CTNNA3: variants seen among roughly 807,000 people sequenced by gnomAD.
The protein encoded by CTNNA3 is catenin alpha 3, also known as catenin alpha-3.
In CTNNA3, 76 loss-of-function variants were observed where a neutral mutation model predicts 95.7. That is an observed-to-expected ratio of 0.79 (90% CI 0.66 to 0.96). CTNNA3 has a LOEUF of 0.96. CTNNA3 is among the 40% of genes least tolerant of loss of function. The probability of loss-of-function intolerance (pLI) is 0.00; values close to 1 mark genes in which losing one functional copy is unlikely to be tolerated. For missense variants in CTNNA3, 1,191 were observed against 1,089.8 expected (o/e 1.09, Z -1.31); for synonymous variants, 431 against 374.4 (o/e 1.15, Z -1.74).
At chr10:66,086,143 A>G (rs2080974960) in intron 14 of CTNNA3, among the ~76,000 whole-genome samples, 1 of 152,174 alleles carries the variant, frequency 6.6e-6, no homozygotes, top group Non-Finnish European at 1.5e-5. Context: ...TTTTCCAAGT[A>G]AAATTCCATT....
intron 13 of CTNNA3, among the ~76,000 whole-genome samples, chr10:66,119,103 G>T (rs1474882873): frequency 7.2e-5 from 11 of 151,978 alleles, no homozygotes; most frequent in Non-Finnish European, 1.5e-4. Flanking sequence ...TTAAAACAGA[G>T]AACTTTTAAA....
Position 67,199,887 on chromosome 10 carries a change from T to TCAAGAAAAATG in CTNNA3, c.844-19368_844-19367insCATTTTTCTTG, listed in dbSNP as rs1329720064. On this transcript the variant is annotated intron_variant, in intron 6 of 17. Coordinates refer to ENST00000433211, the MANE Select transcript of CTNNA3 (RefSeq NM_013266.4). ...TCCTTTAAATTTAACAATACATAAT[T>TCAAGAAAAATG]CCATCAAGAAAAATCCCATCACTGA... 2.7e-3 allele frequency among the ~76,000 whole-genome samples: 404 copies of TCAAGAAAAATG among 152,080 alleles called. 4 individuals are homozygous for TCAAGAAAAATG. Among genetic ancestry groups the TCAAGAAAAATG allele is most frequent in the Non-Finnish European group, 3.8e-4 (26 of 67,980 alleles).
chr10:66,734,872 C>CA (rs34979571), intron 9 of CTNNA3, among the ~76,000 whole-genome samples: 29,759 of 132,518 alleles, frequency 0.22, 3,320 homozygotes, highest in South Asian at 0.28. Context: ...AAGACTGTTT[C>CA]AAAAAAAAAA....
At chr10:67,721,240 C>G (rs533624998) in intron 1 of CTNNA3, among the ~76,000 whole-genome samples, 26 of 152,020 alleles carry the variant, frequency 1.7e-4, no homozygotes, top group Non-Finnish European at 2.8e-4. Context: ...TGGATAATAT[C>G]CTGAAGAGTG....
At chr10:66,654,748 T>A (rs4746619) in intron 9 of CTNNA3, among the ~76,000 whole-genome samples, 1 of 152,002 alleles carries the variant, frequency 6.6e-6, no homozygotes, top group East Asian at 1.9e-4. Context: ...ATATGGCATA[T>A]ACACACAATA....
At chr10:67,321,845 C>G (rs1841329985) in intron 5 of CTNNA3, among the ~76,000 whole-genome samples, 1 of 152,122 alleles carries the variant, frequency 6.6e-6, no homozygotes, top group African/African-American at 2.4e-5. Flanking sequence ...CACCTTGGAT[C>G]TGCTTCTCTT....
intron 12 of CTNNA3, among the ~76,000 whole-genome samples, chr10:66,324,085 G>T (rs1433855203): frequency 2.0e-5 from 3 of 151,994 alleles, no homozygotes; most frequent in Admixed American, 6.5e-5. Context: ...ACTTTGGGAG[G>T]CTGAGGCAGG....
chr10:66,775,267 T>G (rs1840246662), intron 8 of CTNNA3, among the ~76,000 whole-genome samples, 177 bp downstream of exon 8: 1 of 152,178 alleles, frequency 6.6e-6, no homozygotes. Context: ...TGCTTTGTAT[T>G]TGCCACAAAA....
At chr10:67,209,062 G>C (rs1481664192) in intron 6 of CTNNA3, among the ~76,000 whole-genome samples, 2 of 146,834 alleles carry the variant, frequency 1.4e-5, no homozygotes, top group African/African-American at 5.2e-5. Flanking sequence ...TGTTGTTGTT[G>C]TTGTTAAGAC....
At chr10:67,368,192 C>T (rs1363569675) in intron 5 of CTNNA3, among the ~76,000 whole-genome samples, 2 of 152,102 alleles carry the variant, frequency 1.3e-5, no homozygotes, top group Non-Finnish European at 2.9e-5. Flanking sequence ...GAAGGACAAA[C>T]AAAAGATTGA....
intron 7 of CTNNA3, among the ~76,000 whole-genome samples, chr10:66,838,388 C>T (rs527345846): frequency 6.6e-6 from 1 of 152,158 alleles, no homozygotes; most frequent in African/African-American, 2.4e-5. Context: ...ATTAGTACTA[C>T]TGTTACATTA....
chr10:67,087,242 G>A (rs1857357490), intron 7 of CTNNA3, among the ~76,000 whole-genome samples: 1 of 152,126 alleles, frequency 6.6e-6, no homozygotes. Flanking sequence ...TAAAACAGAG[G>A]TTAACACAGA....
intron 12 of CTNNA3, among the ~76,000 whole-genome samples, chr10:66,291,111 C>T (rs1233683665): frequency 6.6e-6 from 1 of 152,050 alleles, no homozygotes; most frequent in South Asian, 2.1e-4. Context: ...GTGATTTACA[C>T]GTGTGAAAGC....
chr10:66,373,153 AG>A (rs1287931034), intron 12 of CTNNA3, among the ~76,000 whole-genome samples: 1 of 152,168 alleles, frequency 6.6e-6, no homozygotes, highest in African/African-American at 2.4e-5. Flanking sequence ...CATGTCAAAA[AG>A]GTGAGAAAAG....
At chr10:66,429,193 G>A (rs1475447775) in intron 11 of CTNNA3, among the ~76,000 whole-genome samples, 1 of 152,108 alleles carries the variant, frequency 6.6e-6, no homozygotes, top group Non-Finnish European at 1.5e-5. Flanking sequence ...ACCCTCCCAA[G>A]ACTAAACCAG....
At chr10:67,573,183 G>T (rs1229066140) in intron 3 of CTNNA3, among the ~76,000 whole-genome samples, 1 of 152,184 alleles carries the variant, frequency 6.6e-6, no homozygotes, top group East Asian at 1.9e-4. Context: ...TTACGAATTG[G>T]TGTATAGACA....
chr10:67,438,980 T>G (rs1846402273), intron 5 of CTNNA3, among the ~76,000 whole-genome samples: 1 of 152,044 alleles, frequency 6.6e-6, no homozygotes. Flanking sequence ...TTAAAGGCAG[T>G]CTATGACACA....
chr10:67,581,772 C>A (rs1365922188), intron 3 of CTNNA3, among the ~76,000 whole-genome samples: 1 of 152,100 alleles, frequency 6.6e-6, no homozygotes, highest in Non-Finnish European at 1.5e-5. Context: ...TCAACTTCTT[C>A]CTGGTTTAGT....
chr10:67,377,378 G>A (rs750522990), intron 5 of CTNNA3, among the ~76,000 whole-genome samples: 4 of 152,164 alleles, frequency 2.6e-5, no homozygotes, highest in Non-Finnish European at 5.9e-5. Flanking sequence ...GGGACTAGTT[G>A]AAATCTCCTA....
Sources: gnomAD v4.1 joint callset for allele counts (sites outside exome capture counted in the v4.1 genomes callset) on GRCh38, gnomAD v4.1.1 for gene constraint, MANE v1.5 for transcripts, NCBI Gene and HGNC (gene_info 2026-07-23, HGNC 2026-07-21) for gene names.